SPACA1: variants seen among roughly 807,000 people sequenced by gnomAD.
SPACA1 encodes sperm acrosome membrane-associated protein 1.
Under a neutral mutation model 32.6 loss-of-function variants are expected in SPACA1, and 17 were observed. That is an observed-to-expected ratio of 0.52 (90% CI 0.36 to 0.78). The LOEUF is 0.78. Among genes scored for constraint, SPACA1 ranks in the 30% least tolerant of loss-of-function variants. The pLI, the probability that SPACA1 is intolerant of heterozygous loss-of-function variation, is 0.01. For synonymous variants in SPACA1, 140 were observed against 138.1 expected, an observed-to-expected ratio of 1.01 and a Z score of -0.10; for missense variants, 363 against 373.4, an observed-to-expected ratio of 0.97 and a Z score of 0.23.
At chr6:88,054,127 A>C in intron 2 of SPACA1, 125 bp downstream of exon 2, 1 of 701,264 alleles carries the variant, frequency 1.4e-6, no homozygotes, top group Non-Finnish European at 2.4e-6. Flanking sequence ...TTTTATTTCT[A>C]ATAACTATAA....
chr6:88,057,780 C>T, intron 3 of SPACA1, 67 bp downstream of exon 3: 1 of 1,395,476 alleles, frequency 7.2e-7, no homozygotes, highest in East Asian at 2.3e-5. Flanking sequence ...TATTTTTCAC[C>T]TCAGGTTGCC....
intron 5 of SPACA1, 83 bp from the exon 6 acceptor site, chr6:88,064,016 T>G: frequency 4.1e-6 from 6 of 1,464,916 alleles, no homozygotes; most frequent in Non-Finnish European, 9.1e-7. Context: ...CTAGAGTTGT[T>G]TTTCAAATAT....
At chr6:88,055,427 T>G (rs1291411496) in intron 2 of SPACA1, among the ~76,000 whole-genome samples, 3 of 152,092 alleles carry the variant, frequency 2.0e-5, no homozygotes. Flanking sequence ...GGTAATAAGT[T>G]ATAAGGAAAA....
At chr6:88,054,351 A>G (rs1418110289) in intron 2 of SPACA1, among the ~76,000 whole-genome samples, 1 of 152,108 alleles carries the variant, frequency 6.6e-6, no homozygotes, top group Non-Finnish European at 1.5e-5. Context: ...TGTGTTGGCA[A>G]ATTTATCAAG....
intron 5 of SPACA1, among the ~76,000 whole-genome samples, chr6:88,060,007 T>C (rs912995352): frequency 6.6e-6 from 1 of 152,196 alleles, no homozygotes; most frequent in Non-Finnish European, 1.5e-5. Flanking sequence ...AAATTTTCAT[T>C]CAGTAAAGTA....
intron 3 of SPACA1, 81 bp downstream of exon 3, chr6:88,057,794 G>A (rs146546364): frequency 8.8e-7 from 1 of 1,133,622 alleles, no homozygotes; most frequent in African/African-American, 1.5e-5. Context: ...GGTTGCCACT[G>A]AGTAGAAGGA....
chr6:88,056,436 C>T (rs915131034), intron 2 of SPACA1, among the ~76,000 whole-genome samples: 5 of 152,196 alleles, frequency 3.3e-5, no homozygotes, highest in African/African-American at 9.7e-5. Context: ...GACCTTCTTC[C>T]TTCCATCCTT....
intron 1 of SPACA1, among the ~76,000 whole-genome samples, chr6:88,051,898 A>C (rs1014097952): frequency 3.3e-5 from 5 of 152,246 alleles, no homozygotes; most frequent in Admixed American, 3.3e-4. Context: ...CATTAATAAA[A>C]ATGTTGAACA....
chr6:88,063,286 T>C (rs1253015485), intron 5 of SPACA1, among the ~76,000 whole-genome samples: 1 of 152,218 alleles, frequency 6.6e-6, no homozygotes, highest in Non-Finnish European at 1.5e-5. Context: ...GCTTTATTTA[T>C]AGTATCTCAC....
chr6:88,065,290 ACTTATT>A (rs1457874568), intron 6 of SPACA1, among the ~76,000 whole-genome samples: 1 of 148,562 alleles, frequency 6.7e-6, no homozygotes, highest in Non-Finnish European at 1.5e-5. Flanking sequence ...AATGAAAAAC[ACTTATT>A]AGAGAAGAGG....
At chr6:88,047,332 T>C (rs1025433621), upstream of SPACA1, among the ~76,000 whole-genome samples, 1 of 152,204 alleles carries the variant, frequency 6.6e-6, no homozygotes, top group Non-Finnish European at 1.5e-5. Context: ...AAATTTCTTC[T>C]TACTCAAAGT....
intron 6 of SPACA1, among the ~76,000 whole-genome samples, chr6:88,065,494 T>C (rs2127802798): frequency 6.7e-6 from 1 of 148,452 alleles, no homozygotes; most frequent in East Asian, 1.9e-4. Flanking sequence ...GCATATATAT[T>C]ATATATTACC....
intron 1 of SPACA1, among the ~76,000 whole-genome samples, chr6:88,049,954 G>C (rs1158701705): frequency 6.6e-6 from 1 of 152,058 alleles, no homozygotes; most frequent in African/African-American, 2.4e-5. Flanking sequence ...AACTACAAAG[G>C]CATATATTTT....
Position 88,053,981 on chromosome 6 carries a change from G to A in SPACA1, c.244G>A (p.Gly82Arg), listed in dbSNP as rs748361407. The change falls in exon 2 of 7, where the codon GGA becomes AGA. Residue 82 changes from glycine to arginine, a missense_variant. Physicochemically the swap from Gly to Arg is moderately radical, Grantham distance 125 (BLOSUM62 -2). Coordinates refer to ENST00000237201, the MANE Select transcript of SPACA1 (RefSeq NM_030960.3). ...NRNVVKEVEF[G>R]MCTVTCGIGV... is the part of the protein sequence containing the mutation. The stretch of plus-strand genomic sequence containing the variant: ...GAATGTCGTCAAAGAAGTAGAATTC[G>A]GAATGTGCACCGTTACATGTGGTAA... 8.1e-6 allele frequency: 13 copies of A among 1,613,430 alleles called. No individual in the cohort carries two copies. The highest frequency in any genetic ancestry group is 2.2e-5 in the East Asian group (1 of 44,824).
intron 5 of SPACA1, 80 bp from the exon 6 acceptor site, chr6:88,064,019 T>C (rs1775936927): frequency 1.3e-6 from 2 of 1,490,996 alleles, no homozygotes; most frequent in Non-Finnish European, 1.8e-6. Flanking sequence ...GAGTTGTTTT[T>C]CAAATATAAA....
chr6:88,062,795 G>A (rs1305876398), intron 5 of SPACA1, among the ~76,000 whole-genome samples: 1 of 152,034 alleles, frequency 6.6e-6, no homozygotes, highest in Non-Finnish European at 1.5e-5. Context: ...AAAGAGAGAG[G>A]GGTCGGGGTA....
chr6:88,054,691 C>T (rs758494251), intron 2 of SPACA1, among the ~76,000 whole-genome samples: 1 of 151,978 alleles, frequency 6.6e-6, no homozygotes, highest in Non-Finnish European at 1.5e-5. Flanking sequence ...GAAAACGGGA[C>T]AATTATCAGA....
chr6:88,050,247 A>T (rs529221782), intron 1 of SPACA1, among the ~76,000 whole-genome samples: 1 of 152,326 alleles, frequency 6.6e-6, no homozygotes, highest in South Asian at 2.1e-4. Context: ...ATATTTCAGG[A>T]TTAAATCTTT....
At position 88,059,507 on chromosome 6, in the gene SPACA1, C is replaced by T; in HGVS notation, c.529C>T (p.His177Tyr). 1 of 1,613,152 alleles carries T rather than the reference C, an allele frequency of 6.2e-7. No individual in the cohort carries two copies. Among genetic ancestry groups the T allele is most frequent in the East Asian group, 2.2e-5 (1 of 44,810 alleles). ...AATCCTAGAAGTACGCAAGGAAAGT[C>T]ACCCCTTGGCTTTCGAGTGTGACAC... ...SAILEVRKES[H>Y]PLAFECDTLD... is the part of the protein sequence containing the mutation. The change falls in exon 5 of 7, where the codon CAC (histidine) becomes TAC (tyrosine). Residue 177 changes from histidine (H) to tyrosine (Y), a missense_variant. Physicochemically the swap from His to Tyr is moderately conservative, Grantham distance 83 (BLOSUM62 2). Transcript: ENST00000237201.
Sources: allele counts gnomAD v4.1 joint callset (sites outside exome capture counted in the v4.1 genomes callset), GRCh38; gene constraint gnomAD v4.1.1; transcripts MANE v1.5; gene names NCBI Gene and HGNC (gene_info 2026-07-23, HGNC 2026-07-21).